ANK1: variants seen among roughly 807,000 people sequenced by gnomAD.
ANK1 encodes ankyrin 1.
Under a neutral mutation model 210.4 loss-of-function variants are expected in ANK1, and 51 were observed. That is an observed-to-expected ratio of 0.24 (90% CI 0.19 to 0.31). The LOEUF (loss-of-function observed/expected upper bound fraction) is 0.31, where lower values mean the gene tolerates loss of function less well. ANK1 is among the 10% of genes least tolerant of loss of function. ANK1 has a pLI of 1.00. For synonymous variants in ANK1, 967 were observed against 1,025.9 expected, an observed-to-expected ratio of 0.94 and a Z score of 1.10; for missense variants, 2,051 against 2,504.4, an observed-to-expected ratio of 0.82 and a Z score of 3.86.
In ANK1 at chr8:41,859,636, C is replaced by A. The variant is rs923332109; in HGVS notation, c.126+36719G>T. Among the ~76,000 whole-genome samples the A allele has an allele frequency of 7.2e-5, 11 of 152,382 alleles. No homozygotes were observed. The East Asian group carries it at 2.1e-3, about 29-fold the overall frequency. On this transcript the variant is annotated intron_variant, in intron 1 of 42. Transcript: ENST00000265709. ...ATTACAGGCCTTTGTATCTGGGCTG[C>A]GCCCAGCCTTAGTGGCTACTTTTTT...
At chr8:41,674,598 C>T (rs903427577) in intron 37 of ANK1, among the ~76,000 whole-genome samples, 5 of 152,248 alleles carry the variant, frequency 3.3e-5, no homozygotes, top group Non-Finnish European at 1.5e-5. Flanking sequence ...AGAAAGACCT[C>T]AGGCACATTC....
chr8:41,803,058 A>AAGGGAAG (rs1282135495), intron 1 of ANK1, among the ~76,000 whole-genome samples: 2 of 63,204 alleles, frequency 3.2e-5, no homozygotes, highest in African/African-American at 1.5e-4. Context: ...AAAGAAAGAG[A>AAGGGAAG]GAAAGGAAGG....
chr8:41,845,050 T>G lies in ANK1; in HGVS notation c.126+51305A>C, dbSNP rs533843069. Among the ~76,000 whole-genome samples, 27 of 152,320 alleles carry G rather than the reference T, an allele frequency of 1.8e-4. 1 individual carries two copies. In the Middle Eastern group the frequency reaches 0.014, roughly 77 times the overall value. ...TTCCTGTTTGTTTTGAAAGAGACAC[T>G]ACTCCTGAAAGCAACTGGTAGCCAA... On this transcript the variant is annotated intron_variant, in intron 1 of 42. Coordinates refer to the ANK1 transcript ENST00000265709.
At chr8:41,851,999 C>G (rs1461021004) in intron 1 of ANK1, among the ~76,000 whole-genome samples, 1 of 152,226 alleles carries the variant, frequency 6.6e-6, no homozygotes, top group Non-Finnish European at 1.5e-5. Flanking sequence ...TATTATCCTG[C>G]ATGTTCAGAC....
At chr8:41,854,509 T>G (rs954858345) in intron 1 of ANK1, among the ~76,000 whole-genome samples, 1 of 152,182 alleles carries the variant, frequency 6.6e-6, no homozygotes, top group African/African-American at 2.4e-5. Flanking sequence ...CACCTTCACG[T>G]GCTTTCTGTA....
intron 42 of ANK1, among the ~76,000 whole-genome samples, chr8:41,659,717 C>T (rs1011669916): frequency 6.6e-6 from 1 of 150,560 alleles, no homozygotes; most frequent in African/African-American, 2.5e-5. Flanking sequence ...CCCTGCCACC[C>T]TCACACTTGT....
In ANK1 at chr8:41,792,053, G is replaced by C. The variant is rs567076442; in HGVS notation, c.27+5459C>G. Among the ~76,000 whole-genome samples the C allele has an allele frequency of 2.6e-5, 4 of 152,272 alleles. No homozygotes were observed. In the South Asian group the frequency reaches 8.3e-4, roughly 32 times the overall value. On this transcript the variant is annotated intron_variant, in intron 1 of 42. Transcript: ENST00000289734. ...AATAGGTTTCAGCAGCTGCTCAGCCGGGCCCATTAGCAGCAGTCAGCCTTC... is the reference window on the plus strand; with the variant it reads ...AATAGGTTTCAGCAGCTGCTCAGCCCGGCCCATTAGCAGCAGTCAGCCTTC...
rs1004854690 is a variant in ANK1, at chr8:41,708,816, G to C, written c.1960C>G (p.Leu654Val). The C allele has an allele frequency of 2.5e-6, 4 of 1,613,892 alleles. No individual in the cohort carries two copies. Among genetic ancestry groups the C allele is most frequent in the Non-Finnish European group, 3.4e-6 (4 of 1,180,054 alleles). Residue 654 changes from leucine to valine, a missense_variant, in exon 17 of 43, where the codon CTG (leucine) becomes GTG (valine). This residue lies in a region of ANK1 where 1,413 missense variants were observed against 1,707.4 expected (regional missense o/e 0.83). Transcript: ENST00000289734. ...TTGCCATTGGCTTGTTTCGAGAGCA[G>C]CAGAGCCACCATCTCTGCGTGGCCC... ...QEGHAEMVAL[L>V]LSKQANGNLG... is the part of the protein sequence containing the mutation.
At chr8:41,842,386 G>A (rs978561251) in intron 1 of ANK1, among the ~76,000 whole-genome samples, 4 of 152,084 alleles carry the variant, frequency 2.6e-5, no homozygotes, top group African/African-American at 9.7e-5. Flanking sequence ...CCAGCTACTT[G>A]GGAGGCTGAG....
At chr8:41,896,584 G>A (rs1820568679) in exon 1 of ANK1, 2 of 1,399,914 alleles carry the variant, frequency 1.4e-6, no homozygotes, top group Non-Finnish European at 1.9e-6. Context: ...GCTCCACAGA[G>A]GGGACAGCGT....
At chr8:41,760,498 C>G (rs1840151953) in intron 1 of ANK1, among the ~76,000 whole-genome samples, 1 of 152,166 alleles carries the variant, frequency 6.6e-6, no homozygotes, top group African/African-American at 2.4e-5. Flanking sequence ...ATAAATTACC[C>G]AGTCTCGGGT....
At chr8:41,789,663 G>T (rs116074234) in intron 1 of ANK1, among the ~76,000 whole-genome samples, 3 of 152,296 alleles carry the variant, frequency 2.0e-5, no homozygotes, top group Non-Finnish European at 2.9e-5. Flanking sequence ...GTTTCAGCAC[G>T]ACCAGTATGG....
intron 1 of ANK1, among the ~76,000 whole-genome samples, chr8:41,858,441 G>C (rs572512628): frequency 1.3e-5 from 2 of 152,272 alleles, no homozygotes; most frequent in African/African-American, 4.8e-5. Context: ...AGCAATTCTC[G>C]CTACATGGGA....
At chr8:41,675,404 G>A (rs907606388) in intron 37 of ANK1, among the ~76,000 whole-genome samples, 3 of 152,144 alleles carry the variant, frequency 2.0e-5, no homozygotes, top group Non-Finnish European at 2.9e-5. Context: ...GCCACTGAGC[G>A]TATTTTTAGT....
intron 37 of ANK1, among the ~76,000 whole-genome samples, chr8:41,683,630 G>A (rs1816803779): frequency 6.6e-6 from 1 of 152,242 alleles, no homozygotes. Flanking sequence ...TGGAAATTTT[G>A]TTTCAAGGTC....
chr8:41,763,869 CTTTCTTTT>C (rs1563702902), intron 1 of ANK1, among the ~76,000 whole-genome samples: 95 of 91,438 alleles, frequency 1.0e-3, no homozygotes, highest in African/African-American at 3.0e-3. Context: ...TTTCTTTCTT[CTTTCTTTT>C]TTTCTTTTTT....
intron 1 of ANK1, among the ~76,000 whole-genome samples, chr8:41,870,600 C>T (rs531328306): frequency 6.6e-6 from 1 of 152,316 alleles, no homozygotes; most frequent in East Asian, 1.9e-4. Context: ...GCAAAGCTGC[C>T]AGAGGTCTGA....
intron 31 of ANK1, 36 bp downstream of exon 31, chr8:41,692,612 T>A: frequency 6.3e-7 from 1 of 1,589,492 alleles, no homozygotes; most frequent in African/African-American, 1.3e-5. Flanking sequence ...GCAGGACGGT[T>A]TGTCCCAGAG....
intron 5 of ANK1, among the ~76,000 whole-genome samples, chr8:41,726,257 C>G (rs1458044137): frequency 2.0e-5 from 3 of 152,184 alleles, no homozygotes; most frequent in Non-Finnish European, 4.4e-5. Flanking sequence ...TGCTCAGATT[C>G]TTTGCCGGCT....
Sources: allele counts gnomAD v4.1 joint callset (sites outside exome capture counted in the v4.1 genomes callset), GRCh38; gene constraint gnomAD v4.1.1; regional missense constraint gnomAD v4.1.1; transcripts MANE v1.5; gene names NCBI Gene and HGNC (gene_info 2026-07-23, HGNC 2026-07-21).